The following FHIT variants were observed in gnomAD, a reference collection of about 807,000 sequenced individuals.
The protein encoded by FHIT is fragile histidine triad diadenosine triphosphatase, also known as bis(5'-adenosyl)-triphosphatase.
Under a neutral mutation model 17.9 loss-of-function variants are expected in FHIT, and 19 were observed. The observed-to-expected ratio is 1.06, with a 90% CI of 0.74 to 1.56. The LOEUF (loss-of-function observed/expected upper bound fraction) is 1.56. Ranked by LOEUF, FHIT falls within the 40% of genes most tolerant of loss-of-function variation. The pLI is 0.00. For synonymous variants in FHIT, 81 were observed against 69.7 expected (o/e 1.16, Z -0.81); for missense variants, 248 against 189.2 (o/e 1.31, Z -1.82).
chr3:61,034,139 A>G (rs1436601557), intron 3 of FHIT, among the ~76,000 whole-genome samples: 1 of 152,230 alleles, frequency 6.6e-6, no homozygotes, highest in Admixed American at 6.5e-5. Context: ...TGATCTAAAT[A>G]TAAGTGCTAA....
chr3:60,577,144 T>C (rs1347966432), intron 4 of FHIT, among the ~76,000 whole-genome samples: 1 of 152,152 alleles, frequency 6.6e-6, no homozygotes, highest in Non-Finnish European at 1.5e-5. Flanking sequence ...AGGTACCTTT[T>C]TGGTTTTAAC....
chr3:60,086,328 T>C (rs1204743230), intron 5 of FHIT, among the ~76,000 whole-genome samples: 1 of 152,190 alleles, frequency 6.6e-6, no homozygotes, highest in Admixed American at 6.5e-5. Flanking sequence ...TTTCAACATG[T>C]GGTTTTGAGA....
At chr3:60,712,286 T>C (rs1254214426) in intron 4 of FHIT, among the ~76,000 whole-genome samples, 1 of 152,020 alleles carries the variant, frequency 6.6e-6, no homozygotes, top group Non-Finnish European at 1.5e-5. Context: ...GCACTGAACA[T>C]GGAAAGGAAC....
chr3:60,497,584 G>C (rs928259911), intron 5 of FHIT, among the ~76,000 whole-genome samples: 2 of 151,966 alleles, frequency 1.3e-5, no homozygotes, highest in African/African-American at 4.8e-5. Context: ...TTCAGTGTTT[G>C]TTCTACACAG....
At chr3:61,010,255 G>C (rs1055195525) in intron 3 of FHIT, among the ~76,000 whole-genome samples, 2 of 151,398 alleles carry the variant, frequency 1.3e-5, no homozygotes, top group African/African-American at 4.9e-5. Flanking sequence ...GATCTGGGGT[G>C]ATCTTATATT....
intron 5 of FHIT, among the ~76,000 whole-genome samples, chr3:60,456,713 T>A (rs1189296911): frequency 6.6e-6 from 1 of 152,186 alleles, no homozygotes; most frequent in African/African-American, 2.4e-5. Context: ...GAGTGGAAGA[T>A]CATGTGTGTG....
intron 8 of FHIT, among the ~76,000 whole-genome samples, chr3:59,913,318 G>A (rs1704974682): frequency 6.6e-6 from 1 of 152,080 alleles, no homozygotes; most frequent in Non-Finnish European, 1.5e-5. Context: ...CCCTATACAT[G>A]GGTTTTCCAT....
intron 4 of FHIT, among the ~76,000 whole-genome samples, chr3:60,621,010 T>TA (rs1304424013): frequency 3.3e-5 from 5 of 152,104 alleles, no homozygotes; most frequent in Non-Finnish European, 5.9e-5. Context: ...AATAGCCTTA[T>TA]AAAAAATGTC....
intron 7 of FHIT, among the ~76,000 whole-genome samples, chr3:59,926,597 GAGAGGGTA>G (rs1438128313): frequency 1.3e-5 from 2 of 152,244 alleles, no homozygotes; most frequent in Non-Finnish European, 2.9e-5. Context: ...GCAAAATCAA[GAGAGGGTA>G]AGTTCCAACA....
intron 5 of FHIT, among the ~76,000 whole-genome samples, chr3:60,260,031 A>C (rs908877102): frequency 1.2e-4 from 18 of 152,234 alleles, no homozygotes; most frequent in Non-Finnish European, 2.5e-4. Context: ...CACAGGCTCA[A>C]GTGTCTCAAT....
At chr3:60,350,508 A>T (rs945770300) in intron 5 of FHIT, among the ~76,000 whole-genome samples, 3 of 152,142 alleles carry the variant, frequency 2.0e-5, no homozygotes, top group African/African-American at 7.2e-5. Flanking sequence ...CATTATGTAG[A>T]ACAAATAAGA....
At chr3:60,024,214 T>C (rs1384704710) in intron 5 of FHIT, among the ~76,000 whole-genome samples, 1 of 152,200 alleles carries the variant, frequency 6.6e-6, no homozygotes, top group African/African-American at 2.4e-5. Context: ...CTATGACAGA[T>C]ACTAATGTTA....
chr3:60,398,484 GAC>G (rs1408187568), intron 5 of FHIT, among the ~76,000 whole-genome samples: 1 of 152,114 alleles, frequency 6.6e-6, no homozygotes, highest in Non-Finnish European at 1.5e-5. Flanking sequence ...TATCAAGTGT[GAC>G]AGTTTATTAA....
chr3:60,513,761 C>G (rs1314276741), intron 5 of FHIT, among the ~76,000 whole-genome samples: 1 of 151,784 alleles, frequency 6.6e-6, no homozygotes, highest in Non-Finnish European at 1.5e-5. Flanking sequence ...AAGCCTGGAC[C>G]CATGGCCTTA....
chr3:59,961,744 C>A (rs1307156200), intron 7 of FHIT, among the ~76,000 whole-genome samples: 5 of 152,218 alleles, frequency 3.3e-5, no homozygotes, highest in African/African-American at 9.6e-5. Flanking sequence ...GGGCTGCACC[C>A]ACTGTCTAAC....
intron 4 of FHIT, among the ~76,000 whole-genome samples, chr3:60,576,938 AT>A (rs2037586387): frequency 9.6e-6 from 1 of 104,154 alleles, no homozygotes; most frequent in South Asian, 3.4e-4. Flanking sequence ...ACATATTTGC[AT>A]CCATTTGCAT....
intron 5 of FHIT, among the ~76,000 whole-genome samples, chr3:60,051,041 C>T (rs1701853480): frequency 6.6e-6 from 1 of 152,026 alleles, no homozygotes; most frequent in African/African-American, 2.4e-5. Context: ...GAGGGGACAG[C>T]AAAGGAGAAG....
intron 7 of FHIT, among the ~76,000 whole-genome samples, chr3:60,001,808 CCAAA>C (rs915837453): frequency 7.9e-5 from 12 of 152,196 alleles, no homozygotes; most frequent in African/African-American, 2.9e-4. Flanking sequence ...CCTTCCTTGG[CCAAA>C]CAGTTTCATC....
chr3:60,663,629 G>C (rs1425629877), intron 4 of FHIT, among the ~76,000 whole-genome samples: 3 of 151,898 alleles, frequency 2.0e-5, no homozygotes, highest in Non-Finnish European at 4.4e-5. Context: ...AAGAGAGGGG[G>C]TTTCATCATG....
Sources: gnomAD v4.1 joint callset for allele counts (sites outside exome capture counted in the v4.1 genomes callset) on GRCh38, gnomAD v4.1.1 for gene constraint, MANE v1.5 for transcripts, NCBI Gene and HGNC (gene_info 2026-07-23, HGNC 2026-07-21) for gene names.